TMEM232: variants seen among roughly 807,000 people sequenced by gnomAD.
TMEM232 encodes transmembrane protein 232.
Under a neutral mutation model 78.8 loss-of-function variants are expected in TMEM232, and 80 were observed. That is an observed-to-expected ratio of 1.01 (90% confidence interval 0.85 to 1.22). TMEM232 has a LOEUF of 1.22. Ranked by LOEUF, TMEM232 falls within the 50% of genes most tolerant of loss-of-function variation. TMEM232 has a pLI of 0.00. For missense variants in TMEM232, 881 were observed against 742.2 expected (o/e 1.19, Z -2.17); for synonymous variants, 297 against 254.3 (o/e 1.17, Z -1.60).
chr5:110,417,722 G>C (rs1756294323), downstream of TMEM232: 1 of 147,092 alleles, frequency 6.8e-6, no homozygotes, highest in Non-Finnish European at 1.5e-5. Flanking sequence ...TGAATGGTCT[G>C]ATAACCTTCT....
chr5:110,719,452 C>G (rs2150341638), intron 1 of TMEM232, among the ~76,000 whole-genome samples: 1 of 152,142 alleles, frequency 6.6e-6, no homozygotes, highest in South Asian at 2.1e-4. Flanking sequence ...TTTAATAAAT[C>G]TGACATCTGC....
intron 12 of TMEM232, among the ~76,000 whole-genome samples, chr5:110,428,009 T>C (rs1181047544): frequency 6.6e-6 from 1 of 151,892 alleles, no homozygotes; most frequent in Non-Finnish European, 1.5e-5. Context: ...TATACTTTTT[T>C]AGTTATTTTA....
rs146263263 is a variant in TMEM232 at position 110,682,716 on chromosome 5, C to T, written c.-12-15352G>A. 2.3e-3 allele frequency among the ~76,000 whole-genome samples: 345 copies of T among 152,046 alleles called. 1 individual carries two copies. The highest frequency in any genetic ancestry group is 5.3e-3 in the Admixed American group (80 of 15,236). ...TCTAGAATATAGTTTCTGCTATGAC[C>T]TCAGCTTTGAGATGATCTCTCCAAG... On this transcript the variant is annotated intron_variant, in intron 1 of 13. Transcript: ENST00000455884.
chr5:110,695,936 C>T (rs1794722952), intron 1 of TMEM232, among the ~76,000 whole-genome samples: 1 of 152,146 alleles, frequency 6.6e-6, no homozygotes, highest in Admixed American at 6.5e-5. Flanking sequence ...AGAGGGAATC[C>T]TCCCTAACTC....
At chr5:110,689,331 TG>T (rs1261908070) in intron 1 of TMEM232, among the ~76,000 whole-genome samples, 1 of 152,220 alleles carries the variant, frequency 6.6e-6, no homozygotes, top group African/African-American at 2.4e-5. Flanking sequence ...TACATATATA[TG>T]TTCATCAACT....
At chr5:110,714,482 G>C (rs1378625426) in intron 1 of TMEM232, among the ~76,000 whole-genome samples, 2 of 152,108 alleles carry the variant, frequency 1.3e-5, no homozygotes, top group African/African-American at 4.8e-5. Flanking sequence ...TCAGTTTGGG[G>C]TAAGTTTGTG....
chr5:110,642,419 T>C, intron 2 of TMEM232, 48 bp from the exon 3 acceptor site: 2 of 1,326,808 alleles, frequency 1.5e-6, no homozygotes, highest in African/African-American at 1.5e-5. Context: ...TAGCTATCAC[T>C]TCCAAATTTC....
intron 2 of TMEM232, among the ~76,000 whole-genome samples, chr5:110,645,711 G>A (rs905821550): frequency 6.6e-6 from 1 of 151,658 alleles, no homozygotes; most frequent in East Asian, 1.9e-4. Flanking sequence ...AGTACTGCAA[G>A]TCTTAGCCAG....
At chr5:110,683,854 C>T (rs1166939839) in intron 1 of TMEM232, among the ~76,000 whole-genome samples, 5 of 151,792 alleles carry the variant, frequency 3.3e-5, no homozygotes, top group Non-Finnish European at 4.4e-5. Context: ...TTCATTATAA[C>T]GGAGATGGGT....
intron 11 of TMEM232, among the ~76,000 whole-genome samples, chr5:110,557,556 A>G (rs567614228): frequency 3.3e-4 from 50 of 152,320 alleles, no homozygotes; most frequent in African/African-American, 1.2e-3. Context: ...GAAGCATAGC[A>G]GCTTCTGCTT....
intron 11 of TMEM232, among the ~76,000 whole-genome samples, chr5:110,560,264 T>C (rs1477028769): frequency 2.0e-5 from 3 of 152,116 alleles, no homozygotes; most frequent in Admixed American, 1.3e-4. Flanking sequence ...CAATACTAGA[T>C]TGGACCATAT....
At chr5:110,713,284 T>C (rs1243686637) in intron 1 of TMEM232, among the ~76,000 whole-genome samples, 1 of 152,092 alleles carries the variant, frequency 6.6e-6, no homozygotes, top group Admixed American at 6.6e-5. Context: ...GTGAGGATGG[T>C]TAATAAGTGC....
chr5:110,462,000 AAT>A (rs1296446710), intron 12 of TMEM232, among the ~76,000 whole-genome samples: 1 of 152,214 alleles, frequency 6.6e-6, no homozygotes, highest in African/African-American at 2.4e-5. Context: ...CTTTTAACAC[AAT>A]ATCCATTCCA....
Position 110,580,159 on chromosome 5 carries a change from T to A in TMEM232, c.1277-11534A>T, listed in dbSNP as rs1683611852. On this transcript the variant is annotated intron_variant, in intron 10 of 13. Coordinates refer to ENST00000455884, the MANE Select transcript of TMEM232 (RefSeq NM_001039763.4). The stretch of plus-strand genomic sequence containing the variant: ...TGCAACCAAGATAAGAGCACCTAAA[T>A]ACAGACATTTGCCACATAACAGTGT... Among the ~76,000 whole-genome samples, 3 of 151,848 alleles carry A rather than the reference T, an allele frequency of 2.0e-5. No homozygotes were observed. In the South Asian group the frequency reaches 6.2e-4, roughly 32 times the overall value.
chr5:110,570,042 A>G (rs981461361), intron 10 of TMEM232, among the ~76,000 whole-genome samples: 3 of 151,942 alleles, frequency 2.0e-5, no homozygotes, highest in Non-Finnish European at 4.4e-5. Context: ...GAAAGTACGT[A>G]CATGTTTTAC....
intron 7 of TMEM232, among the ~76,000 whole-genome samples, chr5:110,619,493 T>G (rs943305832): frequency 6.6e-6 from 1 of 152,160 alleles, no homozygotes; most frequent in Non-Finnish European, 1.5e-5. Context: ...GATAAAGACA[T>G]GAGGAAGACA....
intron 2 of TMEM232, among the ~76,000 whole-genome samples, chr5:110,412,443 A>C (rs758897166): frequency 2.0e-5 from 3 of 152,146 alleles, no homozygotes; most frequent in Non-Finnish European, 2.9e-5. Flanking sequence ...TCATGCCTCT[A>C]TTTCAATTTC....
chr5:110,443,188 C>T (rs1474521765), intron 12 of TMEM232, among the ~76,000 whole-genome samples: 1 of 152,166 alleles, frequency 6.6e-6, no homozygotes, highest in Non-Finnish European at 1.5e-5. Flanking sequence ...TCCCCCCGCT[C>T]CTGGGAAGGT....
At chr5:110,537,938 C>T (rs556201718) in intron 11 of TMEM232, among the ~76,000 whole-genome samples, 10 of 152,306 alleles carry the variant, frequency 6.6e-5, no homozygotes, top group South Asian at 2.1e-4. Context: ...TCTTTGAGGC[C>T]GCCCATGGGG....
Sources: allele counts gnomAD v4.1 joint callset (sites outside exome capture counted in the v4.1 genomes callset), GRCh38; gene constraint gnomAD v4.1.1; transcripts MANE v1.5; gene names NCBI Gene and HGNC (gene_info 2026-07-23, HGNC 2026-07-21).